The following SDHA variants were observed in gnomAD, a reference collection of about 807,000 sequenced individuals.
SDHA encodes succinate dehydrogenase [ubiquinone] flavoprotein subunit, mitochondrial.
Under a neutral mutation model 78.4 loss-of-function variants are expected in SDHA, and 48 were observed. That is an observed-to-expected ratio of 0.61 (90% confidence interval 0.49 to 0.78). The LOEUF (loss-of-function observed/expected upper bound fraction) is 0.78, where lower values mean the gene tolerates loss of function less well. Ranked by LOEUF, SDHA falls within the 30% of genes least tolerant of loss-of-function variation. The pLI is 0.00. For missense variants in SDHA, 680 were observed against 892.7 expected, an observed-to-expected ratio of 0.76 and a Z score of 3.04; for synonymous variants, 326 against 353.9, an observed-to-expected ratio of 0.92 and a Z score of 0.88.
chr5:250,024 C>T (rs1191881398), intron 11 of SDHA: 1 of 152,034 alleles, frequency 6.6e-6, no homozygotes, highest in Non-Finnish European at 1.5e-5. Flanking sequence ...TGAAAATGCC[C>T]TGAAATAATG....
intron 11 of SDHA, among the ~76,000 whole-genome samples, chr5:243,604 G>A (rs1736271369): frequency 6.6e-6 from 1 of 152,176 alleles, no homozygotes; most frequent in Non-Finnish European, 1.5e-5. Flanking sequence ...TTCCTTTAGT[G>A]CAGTAAAACA....
the SDHA span, among the ~76,000 whole-genome samples, chr5:262,476 A>AG: frequency 6.6e-6 from 1 of 152,250 alleles, no homozygotes; most frequent in Non-Finnish European, 1.5e-5. Flanking sequence ...AGATTCTCAT[A>AG]GGAGTGGAAC....
Position 237,256 on chromosome 5 carries a change from T to C in SDHA, c.1432+657T>C, listed in dbSNP as rs1263671924. Among the ~76,000 whole-genome samples the C allele has an allele frequency of 3.7e-5, 5 of 135,498 alleles. 1 individual carries two copies. The highest frequency in any genetic ancestry group is 7.5e-5 in the Non-Finnish European group (5 of 66,606). 88.9% of individuals were successfully genotyped at this position (135,498 alleles called of 152,430 possible). On this transcript the variant is annotated intron_variant, in intron 10 of 14. Coordinates refer to ENST00000264932, the MANE Select transcript of SDHA (RefSeq NM_004168.4). ...AAATCACTTATTTGCAATGAAATAT[T>C]TTAAGTAGTTGGCATGAATGAATAT...
At chr5:267,309 C>G in the SDHA span, among the ~76,000 whole-genome samples, 3 of 152,024 alleles carry the variant, frequency 2.0e-5, no homozygotes, top group Non-Finnish European at 4.4e-5. Flanking sequence ...AATTCTATGG[C>G]GGGAATCTGG....
chr5:245,399 C>T (rs1256722049), intron 11 of SDHA, among the ~76,000 whole-genome samples: 2 of 152,208 alleles, frequency 1.3e-5, no homozygotes, highest in Non-Finnish European at 2.9e-5. Context: ...ACAATTCGTG[C>T]AGTAAACAAC....
intron 11 of SDHA, among the ~76,000 whole-genome samples, chr5:247,540 G>A (rs1345426660): frequency 3.3e-5 from 5 of 152,218 alleles, no homozygotes; most frequent in African/African-American, 9.6e-5. Context: ...ATTATCCAGC[G>A]ATGCCCAACT....
rs201822097 is a variant in SDHA at position 236,440 on chromosome 5, G to A, written c.1273G>A (p.Val425Met). The change falls in exon 10 of 15, where the codon GTG becomes ATG. Residue 425 changes from valine (V) to methionine (M), a missense_variant. Physicochemically the swap from Val to Met is conservative, Grantham distance 21. Transcript: ENST00000264932. The stretch of plus-strand genomic sequence containing the variant: ...TTCCTTTCCACAGGTCCTGAGGCAC[G>A]TGAATGGCCAGGATCAGATTGTGCC... ...TNYKGQVLRH[V>M]NGQDQIVPGL... 3.3e-5 allele frequency: 53 copies of A among 1,613,880 alleles called. No individual in the cohort carries two copies. The highest frequency in any genetic ancestry group is 2.8e-4 in the Admixed American group (17 of 60,020).
At chr5:230,460 C>G (rs1164597974) in intron 6 of SDHA, among the ~76,000 whole-genome samples, 4 of 152,026 alleles carry the variant, frequency 2.6e-5, no homozygotes, top group Admixed American at 1.3e-4. Context: ...AACCCCATCT[C>G]TACTAAAAAT....
intron 11 of SDHA, among the ~76,000 whole-genome samples, chr5:246,679 G>C (rs1172769796): frequency 1.3e-5 from 2 of 151,946 alleles, no homozygotes; most frequent in African/African-American, 4.8e-5. Flanking sequence ...ATGGACTCTA[G>C]AGAAGGCTCT....
At chr5:224,685 T>C (rs1299803093) in intron 3 of SDHA, 164 bp downstream of exon 3, 3 of 701,684 alleles carry the variant, frequency 4.3e-6, no homozygotes, top group African/African-American at 1.8e-5. Flanking sequence ...CTGGAGCCTC[T>C]TCCCTGGGGA....
At chr5:261,437 G>T (rs1179147087), downstream of SDHA, among the ~76,000 whole-genome samples, 3 of 68,810 alleles carry the variant, frequency 4.4e-5, no homozygotes, top group Admixed American at 1.3e-4. Context: ...GCATTACCGT[G>T]TGAGCTCCGC....
chr5:264,647 G>A, the SDHA span, among the ~76,000 whole-genome samples: 34 of 152,330 alleles, frequency 2.2e-4, no homozygotes, highest in African/African-American at 7.5e-4. Flanking sequence ...GGCTGGGCTA[G>A]GCAGCATCAC....
intron 11 of SDHA, chr5:250,090 A>G (rs1285269745): frequency 2.0e-5 from 3 of 152,242 alleles, no homozygotes; most frequent in Non-Finnish European, 4.4e-5. Flanking sequence ...ATGGACATGA[A>G]AGAATGTAAT....
chr5:222,817 T>G (rs56030943), intron 1 of SDHA, among the ~76,000 whole-genome samples: 36,544 of 152,028 alleles, frequency 0.24, 6,837 homozygotes, highest in African/African-American at 0.52. Flanking sequence ...TTGGGTAAAG[T>G]TTTCTAAGAT....
At chr5:262,491 T>A in the SDHA span, among the ~76,000 whole-genome samples, 1 of 152,234 alleles carries the variant, frequency 6.6e-6, no homozygotes, top group Non-Finnish European at 1.5e-5. Flanking sequence ...TGGAACCCTG[T>A]TGTGAACTGC....
chr5:260,937 C>T (rs373482410), downstream of SDHA, among the ~76,000 whole-genome samples: 5 of 5,102 alleles, frequency 9.8e-4, no homozygotes, highest in Admixed American at 5.4e-3. Flanking sequence ...GAGCTCCGCC[C>T]CCCGCCACAG....
At chr5:263,689 G>A in the SDHA span, among the ~76,000 whole-genome samples, 1 of 152,322 alleles carries the variant, frequency 6.6e-6, no homozygotes, top group African/African-American at 2.4e-5. Flanking sequence ...TGTGTGATTG[G>A]TAAATGTGCA....
chr5:223,597 A>C, intron 2 of SDHA, 29 bp downstream of exon 2: 1 of 1,581,064 alleles, frequency 6.3e-7, no homozygotes, highest in Non-Finnish European at 8.7e-7. Context: ...TTCCATTATA[A>C]ATGATTTTTT....
chr5:252,649 G>T (rs62344337), intron 13 of SDHA, among the ~76,000 whole-genome samples: 1 of 104,470 alleles, frequency 9.6e-6, no homozygotes, highest in Non-Finnish European at 1.9e-5. Context: ...TTTCAAACCT[G>T]CCCTGTGGAG....
Sources: allele counts gnomAD v4.1 joint callset (sites outside exome capture counted in the v4.1 genomes callset), GRCh38; gene constraint gnomAD v4.1.1; transcripts MANE v1.5; gene names NCBI Gene and HGNC (gene_info 2026-07-23, HGNC 2026-07-21).